Variants in TMEM37 observed in about 807,000 individuals in gnomAD.
TMEM37 encodes voltage-dependent calcium channel gamma-like subunit.
TMEM37 carries 12 observed loss-of-function variants against 11.0 expected under a neutral mutation model. The observed-to-expected ratio is 1.09, with a 90% CI of 0.70 to 1.76. The LOEUF (loss-of-function observed/expected upper bound fraction) is 1.76. Ranked by LOEUF, TMEM37 falls within the 40% of genes most tolerant of loss-of-function variation. The pLI is 0.00. For synonymous variants in TMEM37, 127 were observed against 110.5 expected (o/e 1.15, Z -0.94); for missense variants, 203 against 251.2 (o/e 0.81, Z 1.30).
rs1682554220 is a variant in TMEM37, at chr2:119,438,504, C to T, written c.*1064C>T. On this transcript the variant is annotated 3_prime_UTR_variant, in exon 2 of 2. Transcript: ENST00000306406. The stretch of plus-strand genomic sequence containing the variant: ...TTCATTAAAGTGCTCCCTTTCTAGT[C>T]CTTTTTCTGCCCAGAAGTAGGTGAT... The T allele has an allele frequency of 1.3e-5, 2 of 152,240 alleles. No homozygotes were observed. The highest frequency in any genetic ancestry group is 2.9e-5 in the Non-Finnish European group (2 of 68,054). The allele number at this position is 152,240 out of a possible 1,614,324, so 9.4% of individuals were successfully genotyped here. A position where few individuals can be genotyped will look rare whatever the true frequency, so the allele number is the denominator to read the frequency against.
chr2:119,437,435 G>A lies in TMEM37; in HGVS notation c.568G>A (p.Glu190Lys), dbSNP rs1454908216. 4 of 1,610,264 alleles carry A rather than the reference G, an allele frequency of 2.5e-6. No homozygotes were observed. The highest frequency in any genetic ancestry group is 3.4e-6 in the Non-Finnish European group (4 of 1,177,656). The change falls in exon 2 of 2, where the codon GAA (glutamate) becomes AAA (lysine). Residue 190 changes from glutamate to lysine, a missense_variant. Glu to Lys is a moderately conservative substitution (Grantham distance 56). Coordinates refer to ENST00000306406, the MANE Select transcript of TMEM37 (RefSeq NM_183240.3). ...LHINSITHPW[E>K] ...CATCAACAGCATCACCCATCCCTGGGAATGACCGTGGAAATTTTAGGCCCC... is the reference window on the plus strand; with the variant it reads ...CATCAACAGCATCACCCATCCCTGGAAATGACCGTGGAAATTTTAGGCCCC...
chr2:119,431,837 C>A, upstream of TMEM37: 1 of 1,223,900 alleles, frequency 8.2e-7, no homozygotes, highest in Non-Finnish European at 1.0e-6. Flanking sequence ...AAGTCCCGGG[C>A]TGGCGCCGGC....
At chr2:119,432,015 G>A (rs959009198) in intron 1 of TMEM37, 91 bp downstream of exon 1, 4 of 894,772 alleles carry the variant, frequency 4.5e-6, no homozygotes, top group Non-Finnish European at 5.8e-6. Context: ...CGTACCCACC[G>A]CGAGCGCCGG....
At chr2:119,432,019 G>A (rs1682409615) in intron 1 of TMEM37, 95 bp downstream of exon 1, 1 of 899,244 alleles carries the variant, frequency 1.1e-6, no homozygotes. Context: ...CCCACCGCGA[G>A]CGCCGGCGTC....
chr2:119,430,484 T>C (rs1682373057), upstream of TMEM37: 1 of 469,780 alleles, frequency 2.1e-6, no homozygotes, highest in Non-Finnish European at 4.4e-6. Flanking sequence ...CATTTCTCCG[T>C]TTGTCAAGCT....
rs1682541406 is a variant in TMEM37, at chr2:119,438,028, C to G, written c.*588C>G. The G allele has an allele frequency of 6.5e-6, 1 of 152,866 alleles. No individual in the cohort carries two copies. Among genetic ancestry groups the G allele is most frequent in the Non-Finnish European group, 1.5e-5 (1 of 68,568 alleles). The allele number at this position is 152,866 out of a possible 1,614,324, so 9.5% of individuals were successfully genotyped here. On this transcript the variant is annotated 3_prime_UTR_variant, in exon 2 of 2. Transcript: ENST00000306406. ...GGATTCCCTCAGAATGCCCTGCACA[C>G]AGTAGGTTTCCAAACCATTTGACTC...
Position 119,434,431 on chromosome 2 carries a change from T to C in TMEM37, c.22-2458T>C, listed in dbSNP as rs148847762. On this transcript the variant is annotated intron_variant, in intron 1 of 1. Coordinates refer to ENST00000306406, the MANE Select transcript of TMEM37 (RefSeq NM_183240.3). The stretch of plus-strand genomic sequence containing the variant: ...GGAGTAGACACAGGTTTTCAAAGTT[T>C]CCTTTGGTTTCTTTCTTACCGGTAG... Among the ~76,000 whole-genome samples, 1,339 of 152,030 alleles carry C rather than the reference T, an allele frequency of 8.8e-3. 22 individuals carry two copies. The highest frequency in any genetic ancestry group is 0.04 in the Admixed American group (608 of 15,280).
At chr2:119,432,683 G>T (rs1189438414) in intron 1 of TMEM37, among the ~76,000 whole-genome samples, 1 of 152,192 alleles carries the variant, frequency 6.6e-6, no homozygotes, top group Non-Finnish European at 1.5e-5. Context: ...GAGTCTATCC[G>T]CTGGACTGTC....
At position 119,437,406 on chromosome 2, in the gene TMEM37, T is replaced by C; in HGVS notation, c.539T>C (p.Leu180Pro). Reference protein sequence around the residue: ...FLLFLNAISGLHINSITHPWE With the variant: ...FLLFLNAISGPHINSITHPWE ...CTCTTCCTGAACGCCATCAGCGGCCTTCACATCAACAGCATCACCCATCCC... is the reference window on the plus strand; with the variant it reads ...CTCTTCCTGAACGCCATCAGCGGCCCTCACATCAACAGCATCACCCATCCC... Residue 180 changes from leucine (L) to proline (P), a missense_variant, in exon 2 of 2, where the codon CTT becomes CCT. By Grantham distance (98) the Leu-to-Pro change is moderately conservative. Transcript: ENST00000306406. The C allele has an allele frequency of 6.2e-7, 1 of 1,614,172 alleles. No individual in the cohort carries two copies. The highest frequency in any genetic ancestry group is 8.5e-7 in the Non-Finnish European group (1 of 1,180,004).
chr2:119,437,480 C>T lies in TMEM37; in HGVS notation c.*40C>T, dbSNP rs2104741173. ...GGCCCCCTCCAGGGACATCAGATTC[C>T]ACAAGAAAATATGGTCAAAATGGGA... On this transcript the variant is annotated 3_prime_UTR_variant, in exon 2 of 2. Coordinates refer to ENST00000306406, the MANE Select transcript of TMEM37 (RefSeq NM_183240.3). 6.3e-7 allele frequency: 1 copy of T among 1,576,450 alleles called. No individual in the cohort carries two copies. The highest frequency in any genetic ancestry group is 1.4e-5 in the African/African-American group (1 of 73,802).
At chr2:119,435,133 T>G (rs1392843437) in intron 1 of TMEM37, among the ~76,000 whole-genome samples, 3 of 152,226 alleles carry the variant, frequency 2.0e-5, no homozygotes, top group Non-Finnish European at 4.4e-5. Context: ...CTCATAGGTT[T>G]AAGAATAAAA....
chr2:119,429,975 C>G, upstream of TMEM37: 2 of 1,550,522 alleles, frequency 1.3e-6, no homozygotes, highest in Admixed American at 2.0e-5. Flanking sequence ...GCACTTCCCT[C>G]TTGGCCAGGT....
At chr2:119,432,050 C>A in intron 1 of TMEM37, 126 bp downstream of exon 1, 1 of 614,844 alleles carries the variant, frequency 1.6e-6, no homozygotes, top group Non-Finnish European at 2.3e-6. Flanking sequence ...TGCGAGCGCC[C>A]CCCGTGCCCG....
At chr2:119,433,486 G>T (rs890055288) in intron 1 of TMEM37, among the ~76,000 whole-genome samples, 1 of 152,188 alleles carries the variant, frequency 6.6e-6, no homozygotes, top group Non-Finnish European at 1.5e-5. Flanking sequence ...ACATGTTGGG[G>T]ATGTGCGGAA....
chr2:119,431,825 A>T, upstream of TMEM37: 1 of 1,153,004 alleles, frequency 8.7e-7, no homozygotes, highest in Non-Finnish European at 1.1e-6. Context: ...GCCCCTGCGG[A>T]GAAGTCCCGG....
Position 119,437,105 on chromosome 2 carries a change from C to T in TMEM37, c.238C>T (p.His80Tyr), listed in dbSNP as rs1161692804. 4.3e-6 allele frequency: 7 copies of T among 1,614,072 alleles called. No homozygotes were observed. The highest frequency in any genetic ancestry group is 5.9e-6 in the Non-Finnish European group (7 of 1,179,972). The change falls in exon 2 of 2, where the codon CAT becomes TAT. Residue 80 changes from histidine (H) to tyrosine (Y), a missense_variant. Transcript: ENST00000306406. ...TICFRDLGQA[H>Y]VPGLAVGMGL... ...CTGCTTCAGAGACCTGGGCCAGGCCCATGTGCCCGGGCTGGCCGTGGGCAT... is the reference window on the plus strand; with the variant it reads ...CTGCTTCAGAGACCTGGGCCAGGCCTATGTGCCCGGGCTGGCCGTGGGCAT...
At position 119,437,311 on chromosome 2, in the gene TMEM37, C is replaced by G. The variant is rs751148945; in HGVS notation, c.444C>G (p.Leu148=). The G allele has an allele frequency of 1.4e-5, 23 of 1,614,122 alleles. No individual in the cohort carries two copies. The highest frequency in any genetic ancestry group is 1.9e-5 in the Non-Finnish European group (23 of 1,180,056). The change falls in exon 2 of 2, where the codon CTC becomes CTG. Residue 148 remains leucine (L), a synonymous_variant. Coordinates refer to ENST00000306406, the MANE Select transcript of TMEM37 (RefSeq NM_183240.3). ...GCGGGCTCCTGGGTTTTGTGATCCT[C>G]CTCAGGAACCAAGTCACACTCATCG... ...SSGGLLGFVI[L]LRNQVTLIGF...
chr2:119,430,961 AC>A (rs370920560), upstream of TMEM37, among the ~76,000 whole-genome samples: 54 of 152,280 alleles, frequency 3.5e-4, 2 homozygotes, highest in East Asian at 6.8e-3. Flanking sequence ...AAATGGTGAA[AC>A]CCCCGTCTCT....
upstream of TMEM37, chr2:119,429,940 A>T (rs1573760145): frequency 1.3e-6 from 2 of 1,550,448 alleles, no homozygotes; most frequent in East Asian, 4.9e-5. Flanking sequence ...ACCCGACCTG[A>T]CTGTTCTTCT....
Sources: gnomAD v4.1 joint callset for allele counts (sites outside exome capture counted in the v4.1 genomes callset) on GRCh38, gnomAD v4.1.1 for gene constraint, MANE v1.5 for transcripts, NCBI Gene and HGNC (gene_info 2026-07-23, HGNC 2026-07-21) for gene names.